The following ZNF536 variants were observed in gnomAD, a reference collection of about 807,000 sequenced individuals.
The protein encoded by ZNF536 is zinc finger protein 536.
In ZNF536, 13 loss-of-function variants were observed where a neutral mutation model predicts 84.5. The observed-to-expected ratio is 0.15, with a 90% CI of 0.10 to 0.24. The LOEUF is 0.24. ZNF536 is among the 10% of genes least tolerant of loss of function. The pLI is 1.00. For synonymous variants in ZNF536, 811 were observed against 742.5 expected (o/e 1.09, Z -1.50); for missense variants, 1,536 against 1,747.5 (o/e 0.88, Z 2.16).
intron 1 of ZNF536, among the ~76,000 whole-genome samples, chr19:30,385,369 G>T (rs1172798888): frequency 6.6e-6 from 1 of 152,134 alleles, no homozygotes; most frequent in African/African-American, 2.4e-5. Flanking sequence ...GGGTGCCCTG[G>T]GAAGCAGTGC....
chr19:30,435,598 A>T (rs2051710100), intron 1 of ZNF536, among the ~76,000 whole-genome samples: 1 of 151,858 alleles, frequency 6.6e-6, no homozygotes, highest in Non-Finnish European at 1.5e-5. Flanking sequence ...GATGATGGTG[A>T]TGATGGTGAT....
intron 2 of ZNF536, among the ~76,000 whole-genome samples, chr19:30,476,094 TC>T (rs1269466669): frequency 6.6e-6 from 1 of 152,230 alleles, no homozygotes; most frequent in African/African-American, 2.4e-5. Context: ...CTGTTGGTTT[TC>T]CCACGTGTTA....
chr19:30,571,030 G>T (rs1319481137), intron 1 of ZNF536, among the ~76,000 whole-genome samples: 1 of 152,162 alleles, frequency 6.6e-6, no homozygotes, highest in African/African-American at 2.4e-5. Context: ...CAGGGCCTGT[G>T]GAGTGTCTAA....
chr19:30,279,047 C>T (rs955763577), intron 1 of ZNF536, among the ~76,000 whole-genome samples: 3 of 152,196 alleles, frequency 2.0e-5, no homozygotes, highest in Non-Finnish European at 4.4e-5. Flanking sequence ...TCCATCCAAC[C>T]TCAGGGCCTT....
At chr19:30,279,569 T>C (rs2045362471) in intron 1 of ZNF536, among the ~76,000 whole-genome samples, 1 of 152,144 alleles carries the variant, frequency 6.6e-6, no homozygotes, top group African/African-American at 2.4e-5. Context: ...TTTGGTAGGG[T>C]CCTTGTTGCT....
intron 1 of ZNF536, among the ~76,000 whole-genome samples, chr19:30,394,150 AAC>A (rs747583123): frequency 4.6e-5 from 7 of 152,288 alleles, no homozygotes; most frequent in Non-Finnish European, 8.8e-5. Context: ...TGTAACAATG[AAC>A]ACACGGGACC....
chr19:30,413,186 G>A (rs2050568631), intron 1 of ZNF536, among the ~76,000 whole-genome samples: 1 of 151,916 alleles, frequency 6.6e-6, no homozygotes, highest in African/African-American at 2.4e-5. Context: ...TGAGCCTTTT[G>A]GGGGAAAGGG....
intron 1 of ZNF536, among the ~76,000 whole-genome samples, chr19:30,563,610 C>G (rs1181611404): frequency 6.6e-6 from 1 of 152,180 alleles, no homozygotes; most frequent in Non-Finnish European, 1.5e-5. Context: ...AGTGAATGAT[C>G]ACCTCTAATT....
chr19:30,542,427 A>G (rs1409695736), intron 3 of ZNF536, among the ~76,000 whole-genome samples: 3 of 152,214 alleles, frequency 2.0e-5, no homozygotes, highest in East Asian at 1.9e-4. Context: ...AGCTAAATCT[A>G]TATCTTATGC....
intron 1 of ZNF536, among the ~76,000 whole-genome samples, chr19:30,628,482 G>T (rs1373802955): frequency 6.7e-6 from 1 of 149,482 alleles, no homozygotes; most frequent in African/African-American, 2.5e-5. Context: ...AGGCTGGAGT[G>T]CAGTGGTGTG....
intron 1 of ZNF536, among the ~76,000 whole-genome samples, chr19:30,623,411 A>AG (rs992204103): frequency 4.6e-5 from 7 of 152,142 alleles, no homozygotes; most frequent in Admixed American, 2.0e-4. Flanking sequence ...ATGCCTCTAG[A>AG]GCCAAGGCAG....
intron 1 of ZNF536, among the ~76,000 whole-genome samples, chr19:30,229,540 C>T (rs1317249095): frequency 4.6e-5 from 7 of 152,028 alleles, no homozygotes; most frequent in African/African-American, 7.3e-5. Flanking sequence ...CCTGGGGCTG[C>T]GCCCACCACC....
chr19:30,593,994 A>G lies in ZNF536; in HGVS notation c.169+44480A>G, dbSNP rs78389067. The stretch of plus-strand genomic sequence containing the variant: ...ACAAGCCAGCCTCAGAGTCTGTCCC[A>G]TGTCCCCTTTTCTTAGTCTCATCCT... On this transcript the variant is annotated intron_variant, in intron 1 of 1. Transcript: ENST00000592773. 9.3e-3 allele frequency among the ~76,000 whole-genome samples: 1,411 copies of G among 152,300 alleles called. 23 individuals are homozygous for G. Among genetic ancestry groups the G allele is most frequent in the African/African-American group, 0.032 (1,346 of 41,556 alleles).
chr19:30,535,292 C>A (rs1161580403), intron 3 of ZNF536, among the ~76,000 whole-genome samples: 2 of 152,198 alleles, frequency 1.3e-5, no homozygotes, highest in African/African-American at 4.8e-5. Flanking sequence ...CTAATGGTTT[C>A]CTTCTGCTGT....
chr19:30,432,093 G>A (rs867939138), intron 1 of ZNF536, among the ~76,000 whole-genome samples: 1 of 151,908 alleles, frequency 6.6e-6, no homozygotes, highest in Non-Finnish European at 1.5e-5. Context: ...TTTCCTTGGT[G>A]GGGTGGACAC....
At position 30,548,779 on chromosome 19, in the gene ZNF536, C is replaced by T. The variant is rs943426239; in HGVS notation, c.3160C>T (p.Leu1054=). 6 of 1,613,802 alleles carry T rather than the reference C, an allele frequency of 3.7e-6. No homozygotes were observed. The African/African-American group carries it at 8.0e-5, about 22-fold the overall frequency. The change falls in exon 4 of 5, where the codon CTG becomes TTG. Residue 1054 remains leucine (L), a synonymous_variant. Transcript: ENST00000355537. ...QAREASKMAL[L]PSLQSNKDLG... ...CCGGGAGGCGAGTAAGATGGCCCTG[C>T]TGCCCTCGTTACAATCAAACAAAGA...
chr19:30,519,136 G>A (rs1056762781), intron 2 of ZNF536, among the ~76,000 whole-genome samples: 3 of 152,336 alleles, frequency 2.0e-5, no homozygotes, highest in South Asian at 2.1e-4. Context: ...CACCAGCAAC[G>A]GTTCAAGGCC....
chr19:30,514,279 C>T (rs1249947045), intron 2 of ZNF536, among the ~76,000 whole-genome samples: 1 of 152,118 alleles, frequency 6.6e-6, no homozygotes, highest in African/African-American at 2.4e-5. Flanking sequence ...AATTTACTCC[C>T]ACCCTCAAAA....
intron 1 of ZNF536, among the ~76,000 whole-genome samples, chr19:30,259,481 G>A (rs1017861651): frequency 8.5e-5 from 13 of 152,266 alleles, no homozygotes; most frequent in Non-Finnish European, 1.3e-4. Flanking sequence ...CCATCTAATC[G>A]GAAACGCTGT....
Sources: gnomAD v4.1 joint callset for allele counts (sites outside exome capture counted in the v4.1 genomes callset) on GRCh38, gnomAD v4.1.1 for gene constraint, MANE v1.5 for transcripts, NCBI Gene and HGNC (gene_info 2026-07-23, HGNC 2026-07-21) for gene names.